The following BTG4 variants were observed in gnomAD, a reference collection of about 807,000 sequenced individuals.
BTG4 encodes protein BTG4.
A neutral mutation model predicts 19.3 loss-of-function variants in BTG4; 10 were observed. The observed-to-expected ratio is 0.52, with a 90% CI of 0.32 to 0.88. BTG4 has a LOEUF of 0.88. Among genes scored for constraint, BTG4 ranks in the 40% least tolerant of loss-of-function variants. BTG4 has a pLI of 0.04. For synonymous variants in BTG4, 91 were observed against 95.7 expected (o/e 0.95, Z 0.29); for missense variants, 238 against 281.9 (o/e 0.84, Z 1.11).
chr11:111,452,796 G>A, the BTG4 span, among the ~76,000 whole-genome samples: 1 of 152,228 alleles, frequency 6.6e-6, no homozygotes, highest in Non-Finnish European at 1.5e-5. Context: ...ACCAAGGCAG[G>A]AGTTGACTGT....
At chr11:111,496,892 G>GA (rs5794752) in intron 4 of BTG4, 17,024 of 284,218 alleles carry the variant, frequency 0.06, 570 homozygotes, top group African/African-American at 0.14. Context: ...TCAATTGACA[G>GA]AAAAAAAAAT....
chr11:111,411,526 C>T, the BTG4 span, among the ~76,000 whole-genome samples: 2 of 152,172 alleles, frequency 1.3e-5, no homozygotes, highest in Non-Finnish European at 2.9e-5. Flanking sequence ...CTTTCTAATC[C>T]CTTAACGTGC....
intron 1 of BTG4, among the ~76,000 whole-genome samples, chr11:111,508,548 A>G (rs2135736425): frequency 6.6e-6 from 1 of 152,016 alleles, no homozygotes; most frequent in African/African-American, 2.4e-5. Flanking sequence ...TTCCTTCACA[A>G]ATTGCTCCTG....
At chr11:111,507,549 T>A (rs1283885079) in intron 1 of BTG4, among the ~76,000 whole-genome samples, 1 of 152,190 alleles carries the variant, frequency 6.6e-6, no homozygotes, top group Non-Finnish European at 1.5e-5. Context: ...GTAGAGCCAG[T>A]CCAATCATCT....
the BTG4 span, among the ~76,000 whole-genome samples, chr11:111,424,766 T>C: frequency 0.073 from 11,173 of 152,192 alleles, 1,309 homozygotes; most frequent in African/African-American, 0.25. Context: ...GAGACCAGCC[T>C]GACCAATATG....
the BTG4 span, among the ~76,000 whole-genome samples, chr11:111,443,030 A>T: frequency 6.6e-6 from 1 of 152,256 alleles, no homozygotes; most frequent in Non-Finnish European, 1.5e-5. Context: ...TACCTCAGCC[A>T]GGTGATCAAG....
the BTG4 span, among the ~76,000 whole-genome samples, chr11:111,431,397 A>G: frequency 1.3e-5 from 2 of 152,188 alleles, no homozygotes; most frequent in Non-Finnish European, 2.9e-5. Context: ...ACCGCTTCAT[A>G]GATCAGGGAA....
At chr11:111,438,375 C>A in the BTG4 span, among the ~76,000 whole-genome samples, 1 of 152,234 alleles carries the variant, frequency 6.6e-6, no homozygotes, top group African/African-American at 2.4e-5. Context: ...TGCACCCTGC[C>A]CTTCTCAACA....
chr11:111,466,825 C>A (rs1419356642), downstream of BTG4: 1 of 152,650 alleles, frequency 6.6e-6, no homozygotes, highest in Non-Finnish European at 1.5e-5. Flanking sequence ...GACCTTTCTG[C>A]CAGGGAGTTT....
the BTG4 span, among the ~76,000 whole-genome samples, chr11:111,400,365 T>C: frequency 6.6e-6 from 1 of 152,178 alleles, no homozygotes; most frequent in African/African-American, 2.4e-5. Context: ...GGAGTTAATT[T>C]ACAAATAACA....
chr11:111,395,491 C>T, the BTG4 span, among the ~76,000 whole-genome samples: 407 of 152,296 alleles, frequency 2.7e-3, 4 homozygotes, highest in African/African-American at 9.5e-3. Flanking sequence ...TGTGGGTGTC[C>T]GAGAGTCAGG....
chr11:111,415,231 G>C, the BTG4 span, among the ~76,000 whole-genome samples: 1 of 139,992 alleles, frequency 7.1e-6, no homozygotes, highest in African/African-American at 2.6e-5. Context: ...AGTGACCCCC[G>C]CCTCCCCTGC....
At position 111,475,406 on chromosome 11, in the gene BTG4, T is replaced by A. The variant is rs1049237295; in HGVS notation, c.663-7725A>T. On this transcript the variant is annotated intron_variant, in intron 5 of 5. Coordinates refer to the BTG4 transcript ENST00000356018. ...AAACTTTCTGGGAATGTAAAACTTG[T>A]ATATGTCATTATTCAATCAGGCTAA... 5.9e-5 allele frequency: 9 copies of A among 152,256 alleles called. No homozygotes were observed. The South Asian group carries it at 1.9e-3, about 32-fold the overall frequency. The allele number at this position is 152,256 out of a possible 1,614,324, so 9.4% of individuals were successfully genotyped here.
the BTG4 span, among the ~76,000 whole-genome samples, chr11:111,405,994 A>G: frequency 1.3e-5 from 2 of 152,378 alleles, no homozygotes; most frequent in South Asian, 2.1e-4. Context: ...TTCTGCAGAT[A>G]TAACATATCT....
At chr11:111,435,539 G>T in the BTG4 span, among the ~76,000 whole-genome samples, 1 of 152,176 alleles carries the variant, frequency 6.6e-6, no homozygotes, top group Admixed American at 6.5e-5. Context: ...GCGAGGAAAG[G>T]AATTCTTTGG....
rs770955539 is a variant in BTG4, at chr11:111,498,020, C to T, written c.289G>A (p.Asp97Asn). 1.9e-6 allele frequency: 3 copies of T among 1,613,964 alleles called. No individual in the cohort carries two copies. Among genetic ancestry groups the T allele is most frequent in the East Asian group, 4.5e-5 (2 of 44,902 alleles). The change falls in exon 3 of 5, where the codon GAT becomes AAT. Residue 97 changes from aspartate (D) to asparagine (N), a missense_variant. Transcript: ENST00000692032. ...GLPKEMTIWV[D>N]PFEVCCRYGE... ...CACCTACAGCATACTTCAAAGGGATCTACCCATATGGTCATCTCCTTCGGA... is the reference window on the plus strand; with the variant it reads ...CACCTACAGCATACTTCAAAGGGATTTACCCATATGGTCATCTCCTTCGGA...
downstream of BTG4, among the ~76,000 whole-genome samples, chr11:111,493,797 C>T (rs1428347012): frequency 6.6e-6 from 1 of 152,088 alleles, no homozygotes; most frequent in Non-Finnish European, 1.5e-5. Context: ...CTGCTATGTG[C>T]CCTAATGAAC....
chr11:111,476,924 A>G (rs1467198588), intron 5 of BTG4, among the ~76,000 whole-genome samples: 1 of 152,220 alleles, frequency 6.6e-6, no homozygotes, highest in Non-Finnish European at 1.5e-5. Context: ...CACATAAATT[A>G]TGAAATGTAT....
At chr11:111,383,917 A>G in the BTG4 span, among the ~76,000 whole-genome samples, 11 of 152,214 alleles carry the variant, frequency 7.2e-5, no homozygotes, top group East Asian at 2.1e-3. Flanking sequence ...CAGTTTTTAA[A>G]TTTTCTCCGC....
Sources: gnomAD v4.1 joint callset for allele counts (sites outside exome capture counted in the v4.1 genomes callset) on GRCh38, gnomAD v4.1.1 for gene constraint, MANE v1.5 for transcripts, NCBI Gene and HGNC (gene_info 2026-07-23, HGNC 2026-07-21) for gene names.